ANKRD30BL: variants seen among roughly 807,000 people sequenced by gnomAD.
ANKRD30BL encodes putative ankyrin repeat domain-containing protein 30B-like.
A neutral mutation model predicts 18.4 loss-of-function variants in ANKRD30BL; 20 were observed. The ratio of observed to expected loss-of-function variants is 1.09; its 90% CI spans 0.77 to 1.58. ANKRD30BL has a LOEUF of 1.58. Among genes scored for constraint, ANKRD30BL ranks in the 40% most tolerant of loss-of-function variants. The pLI is 0.00. For missense variants in ANKRD30BL, 224 were observed against 268.6 expected, an observed-to-expected ratio of 0.83 and a Z score of 1.16; for synonymous variants, 72 against 100.9, an observed-to-expected ratio of 0.71 and a Z score of 1.72.
chr2:132,148,818 TAAAA>T, intron 5 of ANKRD30BL, among the ~76,000 whole-genome samples: 1 of 151,960 alleles, frequency 6.6e-6, no homozygotes, highest in Non-Finnish European at 1.5e-5. Context: ...TAGTAAATAA[TAAAA>T]AAGATGATAA....
At chr2:132,167,302 T>G (rs1380841722) in intron 1 of ANKRD30BL, among the ~76,000 whole-genome samples, 1 of 113,000 alleles carries the variant, frequency 8.8e-6, no homozygotes, top group Non-Finnish European at 2.0e-5. Context: ...TTTATTTTAT[T>G]TTATTTTATT....
chr2:132,230,831 C>A (rs912016564), intron 1 of ANKRD30BL, among the ~76,000 whole-genome samples: 1 of 151,698 alleles, frequency 6.6e-6, no homozygotes, highest in Non-Finnish European at 1.5e-5. Flanking sequence ...ACAAAAACTA[C>A]ACAGAAGCAT....
chr2:132,184,156 T>G (rs922520659), intron 1 of ANKRD30BL, among the ~76,000 whole-genome samples: 24 of 152,138 alleles, frequency 1.6e-4, no homozygotes, highest in African/African-American at 5.8e-4. Context: ...CACTGCAACC[T>G]CCACCTTCTG....
chr2:132,172,518 T>A (rs1309717819), intron 1 of ANKRD30BL, among the ~76,000 whole-genome samples: 1 of 152,190 alleles, frequency 6.6e-6, no homozygotes, highest in East Asian at 1.9e-4. Flanking sequence ...CATTCATACA[T>A]CTTCTTTAGA....
chr2:132,196,345 C>T (rs1049983747), intron 1 of ANKRD30BL, among the ~76,000 whole-genome samples: 3 of 151,942 alleles, frequency 2.0e-5, no homozygotes, highest in African/African-American at 4.8e-5. Flanking sequence ...ATCCCAGCTA[C>T]TCCAGAGGCT....
chr2:132,174,157 A>T (rs1484895988), intron 1 of ANKRD30BL, among the ~76,000 whole-genome samples: 1 of 152,232 alleles, frequency 6.6e-6, no homozygotes. Flanking sequence ...AACTAAAATA[A>T]TAGTGTGAAA....
At chr2:132,215,873 A>G (rs1296110247) in intron 1 of ANKRD30BL, among the ~76,000 whole-genome samples, 6 of 152,072 alleles carry the variant, frequency 3.9e-5, no homozygotes, top group African/African-American at 9.7e-5. Context: ...ATCTTCACAT[A>G]ATAACTAGAC....
intron 1 of ANKRD30BL, among the ~76,000 whole-genome samples, chr2:132,234,177 A>T (rs1379434985): frequency 3.3e-5 from 5 of 152,180 alleles, no homozygotes; most frequent in Admixed American, 6.6e-5. Context: ...TCTGGGACAC[A>T]TTCAAAGCAG....
intron 1 of ANKRD30BL, among the ~76,000 whole-genome samples, chr2:132,235,017 C>A (rs1196718489): frequency 6.6e-6 from 1 of 152,126 alleles, no homozygotes; most frequent in Non-Finnish European, 1.5e-5. Flanking sequence ...CCCTGGGATG[C>A]AAGGCTGGTT....
chr2:132,240,229 C>T (rs1312215656), intron 1 of ANKRD30BL, among the ~76,000 whole-genome samples: 1 of 150,936 alleles, frequency 6.6e-6, no homozygotes, highest in Non-Finnish European at 1.5e-5. Flanking sequence ...TACACCTTTC[C>T]TTATATAGAG....
intron 1 of ANKRD30BL, among the ~76,000 whole-genome samples, chr2:132,181,135 C>A (rs1450993633): frequency 6.6e-6 from 1 of 151,662 alleles, no homozygotes; most frequent in Admixed American, 6.6e-5. Context: ...CAGAGCAAGA[C>A]TCCGTCTCAA....
chr2:132,257,065 G>A (rs749753030), intron 1 of ANKRD30BL: 1 of 485,518 alleles, frequency 2.1e-6, no homozygotes. Context: ...TAGGATGCCG[G>A]ACGGCCCTCG....
chr2:132,228,209 CA>C (rs1679898669), intron 1 of ANKRD30BL, among the ~76,000 whole-genome samples: 1 of 152,092 alleles, frequency 6.6e-6, no homozygotes, highest in South Asian at 2.1e-4. Flanking sequence ...GTAGAATCTG[CA>C]AGTTAACATT....
At chr2:132,206,502 GCT>G (rs977118528) in intron 1 of ANKRD30BL, among the ~76,000 whole-genome samples, 1 of 152,098 alleles carries the variant, frequency 6.6e-6, no homozygotes, top group African/African-American at 2.4e-5. Flanking sequence ...ATCTTTTAAT[GCT>G]CCAGTTTCCC....
intron 1 of ANKRD30BL, among the ~76,000 whole-genome samples, chr2:132,196,435 G>A (rs1446764515): frequency 1.3e-5 from 2 of 148,800 alleles, no homozygotes; most frequent in Non-Finnish European, 2.9e-5. Flanking sequence ...GGGCAACAGA[G>A]TAAGACTCTG....
intron 1 of ANKRD30BL, among the ~76,000 whole-genome samples, chr2:132,193,109 A>G (rs1482670769): frequency 6.6e-6 from 1 of 152,220 alleles, no homozygotes; most frequent in Non-Finnish European, 1.5e-5. Flanking sequence ...GAGGCACTCA[A>G]TAACCAATCA....
upstream of ANKRD30BL, among the ~76,000 whole-genome samples, chr2:132,163,127 A>T (rs545570582): frequency 1.3e-5 from 2 of 152,300 alleles, no homozygotes; most frequent in East Asian, 3.9e-4. Flanking sequence ...AGTGGAGCAG[A>T]TGGAGAAACA....
intron 1 of ANKRD30BL, among the ~76,000 whole-genome samples, chr2:132,184,341 A>G (rs1463497422): frequency 1.3e-5 from 2 of 152,206 alleles, no homozygotes; most frequent in East Asian, 3.8e-4. Context: ...GTGAGCAGAG[A>G]TTATTTTGAG....
intron 1 of ANKRD30BL, among the ~76,000 whole-genome samples, chr2:132,252,422 T>A (rs1049175635): frequency 5.9e-5 from 9 of 152,002 alleles, no homozygotes; most frequent in Non-Finnish European, 1.0e-4. Context: ...CACCACAGCA[T>A]CCAGTGGATC....
Sources: gnomAD v4.1 joint callset for allele counts (sites outside exome capture counted in the v4.1 genomes callset) on GRCh38, gnomAD v4.1.1 for gene constraint, MANE v1.5 for transcripts, NCBI Gene and HGNC (gene_info 2026-07-23, HGNC 2026-07-21) for gene names.